Variants in ITFG1 observed in about 807,000 individuals in gnomAD.
ITFG1 encodes T-cell immunomodulatory protein.
In ITFG1, 34 loss-of-function variants were observed where a neutral mutation model predicts 81.8. The observed-to-expected ratio is 0.42, with a 90% CI of 0.32 to 0.55. The LOEUF (loss-of-function observed/expected upper bound fraction) is 0.55, where lower values mean the gene tolerates loss of function less well. Among genes scored for constraint, ITFG1 ranks in the 20% least tolerant of loss-of-function variants. ITFG1 has a pLI of 0.17. For missense variants in ITFG1, 672 were observed against 755.4 expected (o/e 0.89, Z 1.29); for synonymous variants, 285 against 270.6 (o/e 1.05, Z -0.52).
intron 7 of ITFG1, among the ~76,000 whole-genome samples, chr16:47,368,706 C>G (rs1031750780): frequency 6.6e-6 from 1 of 151,300 alleles, no homozygotes; most frequent in African/African-American, 2.4e-5. Context: ...AATATACTAA[C>G]TGAAGTGAAC....
chr16:47,214,942 AC>A (rs1287479283), intron 14 of ITFG1, among the ~76,000 whole-genome samples: 1 of 151,970 alleles, frequency 6.6e-6, no homozygotes, highest in Non-Finnish European at 1.5e-5. Context: ...ACACACACAC[AC>A]ACACACACAC....
intron 5 of ITFG1, among the ~76,000 whole-genome samples, chr16:47,441,618 A>G (rs1007580100): frequency 1.9e-4 from 29 of 152,230 alleles, no homozygotes; most frequent in Admixed American, 7.9e-4. Flanking sequence ...GGCCTTTGAT[A>G]AAATTCAACA....
intron 13 of ITFG1, among the ~76,000 whole-genome samples, chr16:47,227,569 C>T (rs1965771170): frequency 1.3e-5 from 2 of 152,052 alleles, no homozygotes; most frequent in Admixed American, 1.3e-4. Flanking sequence ...TGCCTATTGT[C>T]TTATAAAATT....
At chr16:47,299,547 T>A (rs1459842930) in intron 10 of ITFG1, 1 of 152,330 alleles carries the variant, frequency 6.6e-6, no homozygotes, top group African/African-American at 2.4e-5. Flanking sequence ...TGATGGGGGT[T>A]GGAGGACAGT....
chr16:47,293,035 T>C (rs1966928449), intron 10 of ITFG1, among the ~76,000 whole-genome samples: 1 of 148,812 alleles, frequency 6.7e-6, no homozygotes, highest in African/African-American at 2.4e-5. Flanking sequence ...TCTATATATA[T>C]ATGATATATA....
intron 14 of ITFG1, among the ~76,000 whole-genome samples, chr16:47,198,733 T>G (rs956058487): frequency 1.3e-5 from 2 of 152,170 alleles, no homozygotes; most frequent in Non-Finnish European, 2.9e-5. Flanking sequence ...GACACTGATG[T>G]TGGTGATCCT....
intron 13 of ITFG1, among the ~76,000 whole-genome samples, chr16:47,222,124 G>A (rs1216993141): frequency 6.6e-6 from 1 of 151,688 alleles, no homozygotes; most frequent in African/African-American, 2.4e-5. Context: ...CTTACCTTCT[G>A]CTAGCTTTTG....
chr16:47,183,061 C>T (rs988658828), intron 14 of ITFG1, among the ~76,000 whole-genome samples: 5 of 152,200 alleles, frequency 3.3e-5, no homozygotes, highest in African/African-American at 9.7e-5. Flanking sequence ...GCTTTTCCGA[C>T]GGGCTTAAAA....
At chr16:47,297,463 A>G (rs1363966543) in intron 10 of ITFG1, among the ~76,000 whole-genome samples, 2 of 152,170 alleles carry the variant, frequency 1.3e-5, no homozygotes, top group East Asian at 1.9e-4. Flanking sequence ...TATGGTGGTA[A>G]GTACTAACCC....
chr16:47,186,430 T>A (rs1442179404), intron 14 of ITFG1, among the ~76,000 whole-genome samples: 2 of 152,124 alleles, frequency 1.3e-5, no homozygotes, highest in Non-Finnish European at 2.9e-5. Flanking sequence ...GTGGGCTTCA[T>A]CCCTGGGATG....
intron 14 of ITFG1, among the ~76,000 whole-genome samples, chr16:47,209,129 C>T (rs1451199862): frequency 1.3e-5 from 2 of 152,080 alleles, no homozygotes; most frequent in Non-Finnish European, 2.9e-5. Context: ...AAGTGGTTCC[C>T]ACCTACTTTA....
chr16:47,388,406 G>A (rs1450349077), intron 6 of ITFG1, among the ~76,000 whole-genome samples: 1 of 152,096 alleles, frequency 6.6e-6, no homozygotes, highest in African/African-American at 2.4e-5. Flanking sequence ...ATAAATCATA[G>A]CAAAAATGCT....
intron 12 of ITFG1, among the ~76,000 whole-genome samples, chr16:47,243,553 C>G (rs1375566445): frequency 6.6e-6 from 1 of 151,980 alleles, no homozygotes; most frequent in African/African-American, 2.4e-5. Flanking sequence ...CTATGAAATA[C>G]TGGAAACCAG....
chr16:47,243,093 T>G (rs1965955982), intron 12 of ITFG1, among the ~76,000 whole-genome samples: 1 of 152,116 alleles, frequency 6.6e-6, no homozygotes, highest in Admixed American at 6.5e-5. Flanking sequence ...CTATTCATAA[T>G]AAGAGATTGA....
intron 10 of ITFG1, among the ~76,000 whole-genome samples, chr16:47,297,470 A>T (rs964197634): frequency 2.6e-5 from 4 of 152,012 alleles, no homozygotes; most frequent in Admixed American, 2.6e-4. Context: ...GTAAGTACTA[A>T]CCCTTTGTTT....
intron 13 of ITFG1, among the ~76,000 whole-genome samples, chr16:47,235,970 T>G (rs1965869192): frequency 6.6e-6 from 1 of 152,178 alleles, no homozygotes; most frequent in South Asian, 2.1e-4. Context: ...AACAGGATCT[T>G]AATTTCAAAG....
intron 8 of ITFG1, among the ~76,000 whole-genome samples, chr16:47,357,614 C>CAA (rs75054901): frequency 1.7e-3 from 106 of 60,892 alleles, no homozygotes; most frequent in African/African-American, 3.1e-3. Flanking sequence ...GACTCCGTCT[C>CAA]AAAAAAAAAA....
intron 6 of ITFG1, among the ~76,000 whole-genome samples, chr16:47,422,986 C>T (rs575769955): frequency 6.6e-6 from 1 of 152,194 alleles, no homozygotes; most frequent in African/African-American, 2.4e-5. Context: ...CCTTGTCAAC[C>T]TTCTGTCTTG....
At chr16:47,300,234 AT>A (rs1967054883) in intron 10 of ITFG1, among the ~76,000 whole-genome samples, 1 of 151,878 alleles carries the variant, frequency 6.6e-6, no homozygotes, top group Admixed American at 6.5e-5. Context: ...TCTGCTTCCT[AT>A]TTTTTTCTTG....
Sources: allele counts gnomAD v4.1 joint callset (sites outside exome capture counted in the v4.1 genomes callset), GRCh38; gene constraint gnomAD v4.1.1; transcripts MANE v1.5; gene names NCBI Gene and HGNC (gene_info 2026-07-23, HGNC 2026-07-21).